The following PPIL6 variants were observed in gnomAD, a reference collection of about 807,000 sequenced individuals.
The protein encoded by PPIL6 is peptidylprolyl isomerase like 6.
Under a neutral mutation model 36.8 loss-of-function variants are expected in PPIL6, and 39 were observed. That is an observed-to-expected ratio of 1.06 (90% CI 0.82 to 1.38). The LOEUF is 1.38. Among genes scored for constraint, PPIL6 ranks in the 40% most tolerant of loss-of-function variants. PPIL6 has a pLI of 0.00. For missense variants in PPIL6, 368 were observed against 379.1 expected (o/e 0.97, Z 0.24); for synonymous variants, 123 against 134.1 (o/e 0.92, Z 0.57).
intron 5 of PPIL6, among the ~76,000 whole-genome samples, chr6:109,425,274 G>T (rs1773753542): frequency 6.6e-6 from 1 of 152,144 alleles, no homozygotes; most frequent in African/African-American, 2.4e-5. Context: ...TTTTTCCCAA[G>T]CCGTCCTTAA....
chr6:109,419,222 T>C lies in PPIL6; in HGVS notation c.653A>G (p.Asp218Gly). The change falls in exon 6 of 8, where the codon GAT (aspartate) becomes GGT (glycine). Residue 218 changes from aspartate (D) to glycine (G), a missense_variant. Physicochemically the swap from Asp to Gly is moderately conservative, Grantham distance 94 (BLOSUM62 -1). Coordinates refer to ENST00000521072, the MANE Select transcript of PPIL6 (RefSeq NM_173672.5). ...TGGACCATAAATCGACTCTCCATTA[T>C]CTCCTTTTCCATACACTATATCTGA... The part of the protein sequence containing the change: ...QGGDIVYGKG[D>G]NGESIYGPTF... 2 of 1,566,494 alleles carry C rather than the reference T, an allele frequency of 1.3e-6. No homozygotes were observed. The highest frequency in any genetic ancestry group is 1.8e-6 in the Non-Finnish European group (2 of 1,136,822).
intron 6 of PPIL6, among the ~76,000 whole-genome samples, chr6:109,414,948 G>A (rs1295442426): frequency 6.6e-6 from 1 of 152,162 alleles, no homozygotes; most frequent in Admixed American, 6.5e-5. Context: ...AAATAAGCTA[G>A]AGAAAATAAA....
intron 5 of PPIL6, among the ~76,000 whole-genome samples, chr6:109,421,020 T>A (rs1293596395): frequency 1.3e-5 from 2 of 152,208 alleles, no homozygotes; most frequent in Non-Finnish European, 2.9e-5. Flanking sequence ...ATGGGGAAGC[T>A]GAGGGCCCCC....
chr6:109,416,921 G>A (rs929930727), intron 6 of PPIL6, among the ~76,000 whole-genome samples: 3 of 152,058 alleles, frequency 2.0e-5, no homozygotes, highest in Non-Finnish European at 1.5e-5. Context: ...TAATCCCAAT[G>A]ACTCAGAAGG....
rs555835630 is a variant in PPIL6 at position 109,409,290 on chromosome 6, G to A, written c.689-9120C>T. ...GAAAGAAAGAGGTCAGGTCAGGTGC[G>A]GTGGCTCACGCCTGTAATCCCAGCA... On this transcript the variant is annotated intron_variant, in intron 6 of 7. Transcript: ENST00000521072. 3.9e-5 allele frequency among the ~76,000 whole-genome samples: 6 copies of A among 152,254 alleles called. No homozygotes were observed. In the East Asian group the frequency reaches 7.7e-4, roughly 20 times the overall value.
intron 1 of PPIL6, among the ~76,000 whole-genome samples, chr6:109,437,342 C>T (rs1774501134): frequency 1.3e-5 from 2 of 152,086 alleles, no homozygotes. Flanking sequence ...AGGGTGCTGG[C>T]CTAGCACAGG....
At chr6:109,415,058 G>A (rs1167879173) in intron 6 of PPIL6, among the ~76,000 whole-genome samples, 1 of 152,166 alleles carries the variant, frequency 6.6e-6, no homozygotes, top group Non-Finnish European at 1.5e-5. Context: ...CACTGAGTAG[G>A]CTGAGGAGGA....
At position 109,392,640 on chromosome 6, in the gene PPIL6, C is replaced by T. The variant is rs959816497; in HGVS notation, c.*186G>A. On this transcript the variant is annotated 3_prime_UTR_variant, in exon 8 of 8. Transcript: ENST00000521072. Reference sequence around the variant, plus strand: ...AAGGAGTCTAGGAAATTGAGTACCACCCTTTCACAGTCTCTATGACAGAGA... The same window carrying T: ...AAGGAGTCTAGGAAATTGAGTACCATCCTTTCACAGTCTCTATGACAGAGA... 4 of 524,994 alleles carry T rather than the reference C, an allele frequency of 7.6e-6. No individual in the cohort carries two copies. The African/African-American group carries it at 7.9e-5, about 10-fold the overall frequency. 32.5% of individuals were successfully genotyped at this position (524,994 alleles called of 1,614,324 possible). A position where few individuals can be genotyped will look rare whatever the true frequency, so the allele number is the denominator to read the frequency against.
At position 109,400,092 on chromosome 6, in the gene PPIL6, T is replaced by G; in HGVS notation, c.767A>C (p.Gln256Pro). The change falls in exon 7 of 8, where the codon CAA (glutamine) becomes CCA (proline). Residue 256 changes from glutamine (Q) to proline (P), a missense_variant. By Grantham distance (76) the Gln-to-Pro change is moderately conservative. Coordinates refer to ENST00000521072, the MANE Select transcript of PPIL6 (RefSeq NM_173672.5). ...AGTTGCTTGCAGTGTGATATAGAAT[T>G]GTGACCCGTTGCTGTGACGGCCTTT... ...ANKGRHSNGS[Q>P]FYITLQATPY... 2.5e-6 allele frequency: 4 copies of G among 1,613,954 alleles called. No homozygotes were observed.
At chr6:109,394,986 C>T (rs1354797288) in intron 7 of PPIL6, among the ~76,000 whole-genome samples, 1 of 152,178 alleles carries the variant, frequency 6.6e-6, no homozygotes, top group Admixed American at 6.5e-5. Flanking sequence ...TCTCCCAAAT[C>T]CTCCTCCTTA....
At chr6:109,438,382 G>C (rs1774576086) in intron 1 of PPIL6, among the ~76,000 whole-genome samples, 1 of 150,980 alleles carries the variant, frequency 6.6e-6, no homozygotes, top group African/African-American at 2.4e-5. Flanking sequence ...TTCAAGACCA[G>C]CCTAGGCAAC....
chr6:109,407,583 T>C (rs1772854460), intron 6 of PPIL6, among the ~76,000 whole-genome samples: 2 of 152,100 alleles, frequency 1.3e-5, no homozygotes, highest in African/African-American at 4.8e-5. Flanking sequence ...CTCTATCTTC[T>C]TTCTTCCACA....
chr6:109,405,123 C>G lies in PPIL6; in HGVS notation c.689-4953G>C, dbSNP rs115696252. ...ATTCAAATATAGACACAAAAAGCCA[C>G]AGAAAACTAATGTATAAAGTTATCA... On this transcript the variant is annotated intron_variant, in intron 6 of 7. Coordinates refer to ENST00000521072, the MANE Select transcript of PPIL6 (RefSeq NM_173672.5). 3.2e-3 allele frequency: 1,131 copies of G among 351,196 alleles called. 14 individuals carry two copies. Among genetic ancestry groups the G allele is most frequent in the African/African-American group, 0.024 (1,074 of 44,076 alleles). 21.8% of individuals were successfully genotyped at this position (351,196 alleles called of 1,614,324 possible).
Position 109,440,611 on chromosome 6 carries a change from G to A in PPIL6, c.-21C>T. The A allele has an allele frequency of 1.5e-6, 2 of 1,325,590 alleles. No individual in the cohort carries two copies. The highest frequency in any genetic ancestry group is 9.6e-7 in the Non-Finnish European group (1 of 1,039,840). 82.1% of individuals were successfully genotyped at this position (1,325,590 alleles called of 1,614,324 possible). ...GCCATGGCCGCGCCCGGGGACGCCC[G>A]GTGACCCCAAACACTGCGCGTCGCT... On this transcript the variant is annotated 5_prime_UTR_variant, in exon 1 of 8. Coordinates refer to ENST00000521072, the MANE Select transcript of PPIL6 (RefSeq NM_173672.5).
chr6:109,427,612 C>T (rs1308595130), intron 3 of PPIL6, among the ~76,000 whole-genome samples: 1 of 152,132 alleles, frequency 6.6e-6, no homozygotes, highest in Non-Finnish European at 1.5e-5. Flanking sequence ...GTCTCGAACT[C>T]CTGAGCTCAA....
chr6:109,395,204 CAAGA>C (rs1404638254), intron 7 of PPIL6, among the ~76,000 whole-genome samples: 3 of 152,018 alleles, frequency 2.0e-5, no homozygotes, highest in African/African-American at 7.2e-5. Context: ...GTCAGGAGTT[CAAGA>C]CTAGCTTGGC....
chr6:109,412,026 C>A (rs1773034002), intron 6 of PPIL6, among the ~76,000 whole-genome samples: 1 of 152,194 alleles, frequency 6.6e-6, no homozygotes. Flanking sequence ...TGAGGACTAG[C>A]TAAAATAGGG....
intron 5 of PPIL6, among the ~76,000 whole-genome samples, 175 bp from the exon 6 acceptor site, chr6:109,419,418 TA>T (rs367886820): frequency 4.2e-3 from 584 of 140,064 alleles, no homozygotes; most frequent in Middle Eastern, 7.3e-3. Flanking sequence ...CCATCTCGAT[TA>T]AAAAAAAAAA....
At chr6:109,440,352 G>A in intron 1 of PPIL6, 104 bp downstream of exon 1, 2 of 1,373,932 alleles carry the variant, frequency 1.5e-6, no homozygotes, top group Non-Finnish European at 9.9e-7. Context: ...GGCCGGTGGG[G>A]CCTCGACCCC....
Sources: gnomAD v4.1 joint callset for allele counts (sites outside exome capture counted in the v4.1 genomes callset) on GRCh38, gnomAD v4.1.1 for gene constraint, MANE v1.5 for transcripts, NCBI Gene and HGNC (gene_info 2026-07-23, HGNC 2026-07-21) for gene names.